LSMEM2: variants seen among roughly 807,000 people sequenced by gnomAD.
The protein encoded by LSMEM2 is leucine rich single-pass membrane protein 2.
LSMEM2 carries 20 observed loss-of-function variants against 17.3 expected under a neutral mutation model. That is an observed-to-expected ratio of 1.16 (90% CI 0.81 to 1.68). The LOEUF is 1.68. LSMEM2 is among the 40% of genes most tolerant of loss of function. The pLI is 0.00. For synonymous variants in LSMEM2, 94 were observed against 97.8 expected (o/e 0.96, Z 0.23); for missense variants, 207 against 214.3 (o/e 0.97, Z 0.21).
chr3:50,285,419 C>G (rs1175916677), intron 1 of LSMEM2, among the ~76,000 whole-genome samples: 1 of 151,604 alleles, frequency 6.6e-6, no homozygotes, highest in East Asian at 2.0e-4. Flanking sequence ...GCGGGCAGAT[C>G]ACTTGAGGTC....
chr3:50,285,596 C>T (rs1272036234), intron 1 of LSMEM2, among the ~76,000 whole-genome samples: 5 of 150,094 alleles, frequency 3.3e-5, no homozygotes, highest in Non-Finnish European at 7.4e-5. Flanking sequence ...GGCGAGATCA[C>T]GACATAGCAC....
chr3:50,280,113 G>A (rs1701358047), intron 1 of LSMEM2, among the ~76,000 whole-genome samples: 1 of 148,282 alleles, frequency 6.7e-6, no homozygotes, highest in Non-Finnish European at 1.5e-5. Context: ...GACCTCGTAA[G>A]CCACCCACCT....
intron 1 of LSMEM2, 63 bp downstream of exon 1, chr3:50,279,234 G>A: frequency 6.8e-7 from 1 of 1,472,764 alleles, no homozygotes; most frequent in Non-Finnish European, 9.5e-7. Flanking sequence ...GGACCATGGA[G>A]AGACCCACCC....
At position 50,287,070 on chromosome 3, in the gene LSMEM2, G is replaced by A. The variant is rs587702648; in HGVS notation, c.363G>A (p.Val121=). ...VLALLAVYLS[V]LQSESLRILA... ...TGATCCCCCACTTCCCATTCACAGT[G>A]CTGCAGAGTGAATCCCTGCGCATCC... Residue 121 remains valine (V), a splice_region_variant and synonymous_variant, in exon 4 of 4, where the codon GTG becomes GTA. Coordinates refer to ENST00000316436, the MANE Select transcript of LSMEM2 (RefSeq NM_153215.3). 1.2e-6 allele frequency: 2 copies of A among 1,614,140 alleles called. No homozygotes were observed. The highest frequency in any genetic ancestry group is 1.1e-5 in the South Asian group (1 of 91,082).
chr3:50,287,448 C>T lies in LSMEM2; in HGVS notation c.*246C>T, dbSNP rs587653807. On this transcript the variant is annotated 3_prime_UTR_variant, in exon 4 of 4. Coordinates refer to ENST00000316436, the MANE Select transcript of LSMEM2 (RefSeq NM_153215.3). ...GGCCCAAGGTCAGGGGAAGGGGCAC[C>T]AGCCTCCTGGCTCCTCCTGTGGCCT... 1.5e-4 allele frequency: 87 copies of T among 564,592 alleles called. No individual in the cohort carries two copies. In the African/African-American group the frequency reaches 1.6e-3, roughly 10 times the overall value. The allele number at this position is 564,592 out of a possible 1,614,324, so 35.0% of individuals were successfully genotyped here.
intron 3 of LSMEM2, 41 bp downstream of exon 3, chr3:50,286,903 C>T: frequency 6.2e-7 from 1 of 1,605,308 alleles, no homozygotes; most frequent in Non-Finnish European, 8.5e-7. Flanking sequence ...GAAAGCAAGG[C>T]AGTGGGGACT....
At chr3:50,282,381 G>T (rs138005735) in intron 1 of LSMEM2, among the ~76,000 whole-genome samples, 1 of 152,236 alleles carries the variant, frequency 6.6e-6, no homozygotes, top group African/African-American at 2.4e-5. Context: ...TTTTGAGCAC[G>T]TCAAGAGGCA....
rs1309722268 is a variant in LSMEM2, at chr3:50,286,717, G to A, written c.216G>A (p.Trp72Ter). 5 of 1,614,122 alleles carry A rather than the reference G, an allele frequency of 3.1e-6. No individual in the cohort carries two copies. Among genetic ancestry groups the A allele is most frequent in the Non-Finnish European group, 4.2e-6 (5 of 1,180,048 alleles). Residue 72 changes from tryptophan (W) to a stop codon, truncating the protein, a stop_gained, in exon 3 of 4, where the codon TGG becomes TGA. Transcript: ENST00000316436. LOFTEE classifies it high-confidence loss of function. ...ATCTAACTGAAGAGGCACGACCGTG[G>A]GATGAGCTGCTGGGCGTTTTGCCGC... ...RPYLTEEARP[W>*]DELLGVLPPS...
At position 50,287,067 on chromosome 3, in the gene LSMEM2, A is replaced by G. The variant is rs1346669004; in HGVS notation, c.362-2A>G. 2.0e-5 allele frequency: 33 copies of G among 1,613,880 alleles called. No individual in the cohort carries two copies. The highest frequency in any genetic ancestry group is 2.6e-5 in the Non-Finnish European group (31 of 1,179,882). ...TGATGATCCCCCACTTCCCATTCAC[A>G]GTGCTGCAGAGTGAATCCCTGCGCA... On this transcript the variant is annotated splice_acceptor_variant, in intron 3 of 3. Transcript: ENST00000316436. LOFTEE classifies it high-confidence loss of function.
In LSMEM2 at chr3:50,287,302, A is replaced by C; in HGVS notation, c.*100A>C. 2.0e-6 allele frequency: 3 copies of C among 1,471,354 alleles called. No homozygotes were observed. In the South Asian group the frequency reaches 3.6e-5, roughly 17 times the overall value. The allele number at this position is 1,471,354 out of a possible 1,614,324, so 91.1% of individuals were successfully genotyped here. A position where few individuals can be genotyped will look rare whatever the true frequency, so the allele number is the denominator to read the frequency against. Reference sequence around the variant, plus strand: ...CCCTACTGCTGGCTGCCACATCTACACTATTTCCTTGGTGAGATTTTTGTA... The same window carrying C: ...CCCTACTGCTGGCTGCCACATCTACCCTATTTCCTTGGTGAGATTTTTGTA... On this transcript the variant is annotated 3_prime_UTR_variant, in exon 4 of 4. Coordinates refer to ENST00000316436, the MANE Select transcript of LSMEM2 (RefSeq NM_153215.3).
intron 1 of LSMEM2, among the ~76,000 whole-genome samples, chr3:50,281,008 C>T (rs1384984501): frequency 1.3e-5 from 2 of 151,960 alleles, no homozygotes; most frequent in African/African-American, 4.8e-5. Context: ...AAACAATTCA[C>T]ATTCAATTTA....
Position 50,279,158 on chromosome 3 carries a change from G to A in LSMEM2, c.45G>A (p.Glu15=), listed in dbSNP as rs782514130. 2 of 1,614,160 alleles carry A rather than the reference G, an allele frequency of 1.2e-6. No individual in the cohort carries two copies. The highest frequency in any genetic ancestry group is 3.3e-5 in the Admixed American group (2 of 60,024). The change falls in exon 1 of 4, where the codon GAG becomes GAA. Residue 15 remains glutamate, a synonymous_variant. Transcript: ENST00000316436. ...APDCPLLAMP[E]ETQEDSVAPM... is the part of the protein sequence containing the mutation. ...ACTGCCCACTGCTTGCCATGCCTGA[G>A]GAGACCCAAGAAGGTAGGAGAGGGT...
intron 1 of LSMEM2, among the ~76,000 whole-genome samples, chr3:50,283,643 A>G (rs1482366649): frequency 1.3e-5 from 2 of 150,730 alleles, no homozygotes; most frequent in Non-Finnish European, 3.0e-5. Context: ...AAAAAAAAAA[A>G]AAAAAATTTG....
upstream of LSMEM2, among the ~76,000 whole-genome samples, chr3:50,278,250 A>C (rs587674553): frequency 6.6e-6 from 1 of 152,238 alleles, no homozygotes; most frequent in African/African-American, 2.4e-5. Context: ...GGAAGGGCAC[A>C]GGGATCCAAC....
intron 1 of LSMEM2, among the ~76,000 whole-genome samples, chr3:50,283,846 A>G (rs1195406218): frequency 2.0e-5 from 3 of 152,122 alleles, no homozygotes; most frequent in African/African-American, 7.2e-5. Flanking sequence ...GTACATAATT[A>G]AAATCAAAAG....
chr3:50,284,584 T>C (rs1011613095), intron 1 of LSMEM2, among the ~76,000 whole-genome samples: 9 of 151,486 alleles, frequency 5.9e-5, no homozygotes, highest in African/African-American at 2.2e-4. Context: ...ACAAAAAAAA[T>C]TAACTGGGCA....
At chr3:50,280,404 C>G (rs1228025505) in intron 1 of LSMEM2, among the ~76,000 whole-genome samples, 1 of 152,128 alleles carries the variant, frequency 6.6e-6, no homozygotes, top group Non-Finnish European at 1.5e-5. Flanking sequence ...ATCCACCCAC[C>G]TTGGCCTCCC....
intron 1 of LSMEM2, among the ~76,000 whole-genome samples, chr3:50,284,390 G>A (rs1701469877): frequency 6.6e-6 from 1 of 151,804 alleles, no homozygotes; most frequent in Non-Finnish European, 1.5e-5. Context: ...ATACCCTGCG[G>A]GGGAGCTGTG....
upstream of LSMEM2, chr3:50,279,002 A>G: frequency 1.8e-6 from 2 of 1,122,504 alleles, no homozygotes; most frequent in South Asian, 2.6e-5. Flanking sequence ...CCCTCTAAAT[A>G]TAGCCCAGTG....
Sources: allele counts gnomAD v4.1 joint callset (sites outside exome capture counted in the v4.1 genomes callset), GRCh38; gene constraint gnomAD v4.1.1; transcripts MANE v1.5; gene names NCBI Gene and HGNC (gene_info 2026-07-23, HGNC 2026-07-21).